Variants in PARD3B observed in about 807,000 individuals in gnomAD.
PARD3B encodes the protein par-3 family cell polarity regulator beta.
In PARD3B, 103 loss-of-function variants were observed where a neutral mutation model predicts 130.2. That is an observed-to-expected ratio of 0.79 (90% CI 0.67 to 0.93). The LOEUF (loss-of-function observed/expected upper bound fraction) is 0.93, where lower values mean the gene tolerates loss of function less well. Among genes scored for constraint, PARD3B ranks in the 40% least tolerant of loss-of-function variants. The pLI is 0.00. For synonymous variants in PARD3B, 583 were observed against 553.2 expected (o/e 1.05, Z -0.76); for missense variants, 1,609 against 1,499.2 (o/e 1.07, Z -1.21).
At chr2:204,640,943 GTATAA>G (rs899692538) in intron 1 of PARD3B, among the ~76,000 whole-genome samples, 2 of 147,360 alleles carry the variant, frequency 1.4e-5, no homozygotes, top group East Asian at 2.0e-4. Flanking sequence ...TATTTACTAT[GTATAA>G]TATATTTACT....
chr2:205,117,676 C>T (rs529282547), intron 6 of PARD3B, among the ~76,000 whole-genome samples: 13 of 152,220 alleles, frequency 8.5e-5, no homozygotes, highest in African/African-American at 2.4e-5. Flanking sequence ...AAGAGAGTGA[C>T]AAAGTCGAAA....
chr2:205,102,950 C>T (rs1396904654), intron 4 of PARD3B, among the ~76,000 whole-genome samples: 4 of 151,942 alleles, frequency 2.6e-5, no homozygotes, highest in African/African-American at 7.3e-5. Context: ...CACCTGTAAT[C>T]CCAGCCACTC....
At chr2:204,917,279 A>G (rs1484773752) in intron 2 of PARD3B, among the ~76,000 whole-genome samples, 1 of 152,216 alleles carries the variant, frequency 6.6e-6, no homozygotes, top group East Asian at 1.9e-4. Context: ...AAGGATCTGT[A>G]GCTGAGGAAT....
intron 2 of PARD3B, among the ~76,000 whole-genome samples, chr2:204,697,275 A>G (rs2037654554): frequency 6.6e-6 from 1 of 152,076 alleles, no homozygotes; most frequent in African/African-American, 2.4e-5. Flanking sequence ...TTACTTGGAA[A>G]TGGAAGTACC....
chr2:204,811,886 T>C (rs1210422977), intron 2 of PARD3B, among the ~76,000 whole-genome samples: 1 of 152,162 alleles, frequency 6.6e-6, no homozygotes, highest in Non-Finnish European at 1.5e-5. Flanking sequence ...ACGGTCCTTA[T>C]TGGCTTTTTT....
At chr2:205,298,944 G>A (rs894057749) in intron 16 of PARD3B, among the ~76,000 whole-genome samples, 1 of 152,156 alleles carries the variant, frequency 6.6e-6, no homozygotes, top group African/African-American at 2.4e-5. Context: ...TTATGTCAAT[G>A]CTGTGTGCCT....
chr2:205,018,998 T>C (rs1359959286), intron 3 of PARD3B, among the ~76,000 whole-genome samples: 1 of 152,182 alleles, frequency 6.6e-6, no homozygotes, highest in Non-Finnish European at 1.5e-5. Context: ...ATTCATAACA[T>C]ATTGTTCACC....
chr2:204,724,848 T>A (rs935901373), intron 2 of PARD3B, among the ~76,000 whole-genome samples: 1 of 57,868 alleles, frequency 1.7e-5, no homozygotes. Context: ...GGGGCGGGGG[T>A]GGGTAGGGGG....
At chr2:204,819,637 T>C (rs564714394) in intron 2 of PARD3B, among the ~76,000 whole-genome samples, 15 of 152,294 alleles carry the variant, frequency 9.8e-5, no homozygotes, top group Admixed American at 9.8e-4. Flanking sequence ...GGTTGAAAGC[T>C]AAGATAGGCC....
chr2:205,421,634 AG>A lies in PARD3B; in HGVS notation c.2742-18735del, dbSNP rs1043579958. Among the ~76,000 whole-genome samples, 2 of 152,212 alleles carry A rather than the reference AG, an allele frequency of 1.3e-5. No homozygotes were observed. Among genetic ancestry groups the A allele is most frequent in the African/African-American group, 2.4e-5 (1 of 41,464 alleles). ...TCATCAGTTCCATTCATTCATAATC[AG>A]CATTAGTCTTCTATTGCTGCTGTAA... On this transcript the variant is annotated intron_variant, in intron 19 of 22. Transcript: ENST00000406610. This position sits in a 1 kb window ranked among gnomAD's most constrained non-coding sequence, Gnocchi z 5.1.
Position 205,381,030 on chromosome 2 carries a change from T to A in PARD3B, c.2631-19983T>A, listed in dbSNP as rs865815381. ...AATATAAAGAATATATATGATATAT[T>A]ATATATAAAGAATATATATTATATA... On this transcript the variant is annotated intron_variant, in intron 18 of 22. Coordinates refer to ENST00000406610, the MANE Select transcript of PARD3B (RefSeq NM_001302769.2). Among the ~76,000 whole-genome samples, 46 of 12,380 alleles carry A rather than the reference T, an allele frequency of 3.7e-3. 3 individuals are homozygous for A. The highest frequency in any genetic ancestry group is 4.5e-3 in the Non-Finnish European group (13 of 2,876). The allele number at this position is 12,380 out of a possible 152,430, so 8.1% of individuals were successfully genotyped here.
At chr2:205,566,773 C>T (rs758878068) in intron 22 of PARD3B, among the ~76,000 whole-genome samples, 4 of 152,154 alleles carry the variant, frequency 2.6e-5, no homozygotes, top group Non-Finnish European at 4.4e-5. Flanking sequence ...ACCACAGAGT[C>T]GCATACTCAG....
intron 2 of PARD3B, among the ~76,000 whole-genome samples, chr2:204,845,710 C>A (rs1157437593): frequency 6.6e-6 from 1 of 152,088 alleles, no homozygotes; most frequent in Non-Finnish European, 1.5e-5. Flanking sequence ...AGTGAATAGA[C>A]TCTGATTTCC....
intron 1 of PARD3B, among the ~76,000 whole-genome samples, chr2:204,601,778 C>T (rs1225054823): frequency 6.6e-6 from 1 of 151,968 alleles, no homozygotes; most frequent in Non-Finnish European, 1.5e-5. Context: ...AAGGCAAGTT[C>T]TGGAAGTAAT....
intron 18 of PARD3B, among the ~76,000 whole-genome samples, chr2:205,346,120 C>T (rs946327685): frequency 6.8e-6 from 1 of 146,940 alleles, no homozygotes; most frequent in African/African-American, 2.5e-5. Context: ...TGCAGTGAGC[C>T]GAGATCCCGC....
intron 4 of PARD3B, among the ~76,000 whole-genome samples, chr2:205,054,436 A>ATT (rs769918623): frequency 8.1e-4 from 23 of 28,438 alleles, no homozygotes; most frequent in Admixed American, 3.5e-3. Context: ...ATATATATAT[A>ATT]TTTTTTTTTT....
In PARD3B at chr2:205,281,621, T is replaced by C. The variant is rs2041193684; in HGVS notation, c.2186-18909T>C. Among the ~76,000 whole-genome samples the C allele has an allele frequency of 6.6e-6, 1 of 152,176 alleles. No individual in the cohort carries two copies. The highest frequency in any genetic ancestry group is 6.5e-5 in the Admixed American group (1 of 15,276). ...ACATCATAGACTGATTTGTACAAAA[T>C]ATAGTAAAAACTTTCCAGAATGTCA... On this transcript the variant is annotated intron_variant, in intron 16 of 22. Coordinates refer to ENST00000406610, the MANE Select transcript of PARD3B (RefSeq NM_001302769.2). This position sits in a 1 kb window ranked among gnomAD's most constrained non-coding sequence, Gnocchi z 4.2.
intron 16 of PARD3B, among the ~76,000 whole-genome samples, chr2:205,299,570 T>TATTATATATATATA (rs1364747536): frequency 0.11 from 847 of 7,398 alleles, 8 homozygotes; most frequent in African/African-American, 0.2. Context: ...ATTATATATA[T>TATTATATATATATA]ATATATAATA....
At chr2:205,434,995 A>C (rs370599595) in intron 19 of PARD3B, among the ~76,000 whole-genome samples, 2 of 152,172 alleles carry the variant, frequency 1.3e-5, no homozygotes, top group Non-Finnish European at 2.9e-5. Context: ...CTAAAAGCTC[A>C]AACTTTAGCA....
Sources: gnomAD v4.1 joint callset for allele counts (sites outside exome capture counted in the v4.1 genomes callset) on GRCh38, gnomAD v4.1.1 for gene constraint, Gnocchi (gnomAD v3.1) non-coding constraint, MANE v1.5 for transcripts, NCBI Gene and HGNC (gene_info 2026-07-23, HGNC 2026-07-21) for gene names.